RSU1: variants seen among roughly 807,000 people sequenced by gnomAD.
The protein encoded by RSU1 is Ras suppressor protein 1.
A neutral mutation model predicts 31.1 loss-of-function variants in RSU1; 26 were observed. The ratio of observed to expected loss-of-function variants is 0.84; its 90% CI spans 0.61 to 1.16. The LOEUF (loss-of-function observed/expected upper bound fraction) is 1.16. Among genes scored for constraint, RSU1 ranks in the 50% most tolerant of loss-of-function variants. The probability of loss-of-function intolerance (pLI) is 0.00; values close to 1 mark genes in which losing one functional copy is unlikely to be tolerated. For missense variants in RSU1, 320 were observed against 339.1 expected (o/e 0.94, Z 0.44); for synonymous variants, 164 against 136.3 (o/e 1.20, Z -1.41).
intron 8 of RSU1, among the ~76,000 whole-genome samples, chr10:16,656,719 TA>T (rs1233395809): frequency 1.3e-5 from 2 of 152,156 alleles, no homozygotes; most frequent in Admixed American, 6.5e-5. Context: ...AGAATCGGCT[TA>T]TATATATTAA....
chr10:16,724,451 G>A (rs914005216), intron 7 of RSU1, among the ~76,000 whole-genome samples: 13 of 152,134 alleles, frequency 8.5e-5, no homozygotes, highest in Non-Finnish European at 5.9e-5. Context: ...TGAACACATG[G>A]CTCCTTGGAA....
At chr10:16,668,020 A>C (rs1032025654) in intron 8 of RSU1, among the ~76,000 whole-genome samples, 6 of 152,226 alleles carry the variant, frequency 3.9e-5, no homozygotes, top group African/African-American at 1.4e-4. Flanking sequence ...TGATAATAGA[A>C]TAACTGGTAG....
At chr10:16,762,074 G>A (rs994963741) in intron 4 of RSU1, among the ~76,000 whole-genome samples, 16 of 152,062 alleles carry the variant, frequency 1.1e-4, no homozygotes, top group Non-Finnish European at 1.9e-4. Context: ...TCATTGGTCT[G>A]TTCCTGTTTA....
At chr10:16,784,780 G>T (rs1233033839) in intron 2 of RSU1, among the ~76,000 whole-genome samples, 2 of 152,108 alleles carry the variant, frequency 1.3e-5, no homozygotes, top group Non-Finnish European at 2.9e-5. Flanking sequence ...AACAAGAACA[G>T]CATGGGAAAG....
chr10:16,627,762 CAAAAAAAAAA>C (rs74962434), intron 8 of RSU1, among the ~76,000 whole-genome samples: 6 of 67,556 alleles, frequency 8.9e-5, no homozygotes, highest in Admixed American at 6.1e-4. Flanking sequence ...CATCTCAATA[CAAAAAAAAAA>C]AAAAAAAAAA....
At chr10:16,611,857 T>A (rs999383959) in intron 8 of RSU1, among the ~76,000 whole-genome samples, 1 of 152,224 alleles carries the variant, frequency 6.6e-6, no homozygotes, top group Non-Finnish European at 1.5e-5. Context: ...GAATCTCTCT[T>A]TATGTTCAGC....
intron 7 of RSU1, among the ~76,000 whole-genome samples, chr10:16,709,145 C>T (rs1045352148): frequency 3.9e-5 from 6 of 151,920 alleles, no homozygotes; most frequent in African/African-American, 1.4e-4. Context: ...TCCCTCCCCC[C>T]TTCCCCCACC....
chr10:16,626,738 G>A (rs1257962666), intron 8 of RSU1, among the ~76,000 whole-genome samples: 2 of 152,140 alleles, frequency 1.3e-5, no homozygotes, highest in East Asian at 1.9e-4. Flanking sequence ...GGGTGGCAAC[G>A]CTTCACTGTA....
intron 8 of RSU1, among the ~76,000 whole-genome samples, chr10:16,637,794 A>G (rs1409248266): frequency 1.3e-5 from 2 of 151,632 alleles, no homozygotes; most frequent in South Asian, 2.1e-4. Flanking sequence ...ACTAACGGCA[A>G]TTTTCTGCAA....
At chr10:16,659,115 G>C (rs576246392) in intron 8 of RSU1, among the ~76,000 whole-genome samples, 1 of 152,120 alleles carries the variant, frequency 6.6e-6, no homozygotes, top group Non-Finnish European at 1.5e-5. Flanking sequence ...CTAATCGGCT[G>C]TCAGCAATGT....
intron 2 of RSU1, among the ~76,000 whole-genome samples, chr10:16,796,124 C>A (rs1249770364): frequency 2.0e-5 from 3 of 152,166 alleles, no homozygotes; most frequent in Non-Finnish European, 2.9e-5. Context: ...TATTAGAAGA[C>A]CATGGTGTGC....
chr10:16,745,993 G>T (rs370324757), intron 7 of RSU1, among the ~76,000 whole-genome samples: 2 of 152,130 alleles, frequency 1.3e-5, no homozygotes. Flanking sequence ...CCTCAGAAAA[G>T]AAAGTTATTT....
At chr10:16,644,202 T>C (rs1834495482) in intron 8 of RSU1, among the ~76,000 whole-genome samples, 1 of 152,190 alleles carries the variant, frequency 6.6e-6, no homozygotes, top group Admixed American at 6.5e-5. Context: ...TCAATAACTA[T>C]AAGCTGAGGC....
intron 8 of RSU1, among the ~76,000 whole-genome samples, chr10:16,619,927 A>T (rs1369434910): frequency 6.6e-6 from 1 of 152,196 alleles, no homozygotes; most frequent in Admixed American, 6.5e-5. Flanking sequence ...CAAGGTACTT[A>T]AAAAAACAAA....
At chr10:16,603,251 A>G (rs2131459881) in intron 8 of RSU1, among the ~76,000 whole-genome samples, 1 of 152,232 alleles carries the variant, frequency 6.6e-6, no homozygotes, top group East Asian at 1.9e-4. Flanking sequence ...AGCAAGCTAT[A>G]TGAAAAATAG....
rs192233922 is a variant in RSU1 at position 16,778,571 on chromosome 10, A to C, written c.160+3463T>G. ...AAAAAACACAAAGGAAGAGAAGGAC[A>C]GGGAATGCCATGCTAGAGTTAAAGA... On this transcript the variant is annotated intron_variant, in intron 3 of 8. Transcript: ENST00000345264. Among the ~76,000 whole-genome samples, 8 of 152,362 alleles carry C rather than the reference A, an allele frequency of 5.3e-5. No individual in the cohort carries two copies. In the East Asian group the frequency reaches 1.5e-3, roughly 29 times the overall value.
At chr10:16,714,021 G>C (rs925584769) in intron 7 of RSU1, among the ~76,000 whole-genome samples, 1 of 152,144 alleles carries the variant, frequency 6.6e-6, no homozygotes, top group African/African-American at 2.4e-5. Context: ...GTAGTGTGTG[G>C]TTTTGCTGGG....
chr10:16,688,707 C>T (rs1835485412), intron 8 of RSU1, among the ~76,000 whole-genome samples: 1 of 152,054 alleles, frequency 6.6e-6, no homozygotes, highest in Non-Finnish European at 1.5e-5. Context: ...TAAAAACTAC[C>T]TTTATGTTAA....
chr10:16,755,690 T>C (rs546951957), intron 4 of RSU1, among the ~76,000 whole-genome samples: 1 of 152,316 alleles, frequency 6.6e-6, no homozygotes, highest in South Asian at 2.1e-4. Context: ...GTACAATCCA[T>C]CTCTTGAACT....
Sources: allele counts gnomAD v4.1 joint callset (sites outside exome capture counted in the v4.1 genomes callset), GRCh38; gene constraint gnomAD v4.1.1; transcripts MANE v1.5; gene names NCBI Gene and HGNC (gene_info 2026-07-23, HGNC 2026-07-21).